Variants in DARS2 observed in about 807,000 individuals in gnomAD.
DARS2 encodes aspartyl-tRNA synthetase 2, mitochondrial.
DARS2 carries 63 observed loss-of-function variants against 83.0 expected under a neutral mutation model. The ratio of observed to expected loss-of-function variants is 0.76; its 90% CI spans 0.62 to 0.94. The LOEUF is 0.94. DARS2 is among the 40% of genes least tolerant of loss of function. The pLI, the probability that DARS2 is intolerant of heterozygous loss-of-function variation, is 0.00. For synonymous variants in DARS2, 250 were observed against 269.3 expected, an observed-to-expected ratio of 0.93 and a Z score of 0.70; for missense variants, 675 against 774.4, an observed-to-expected ratio of 0.87 and a Z score of 1.52.
chr1:173,826,713 AAC>A lies in DARS2; in HGVS notation c.158_159del (p.Thr53MetfsTer45). The A allele has an allele frequency of 6.2e-7, 1 of 1,611,424 alleles. No homozygotes were observed. The highest frequency in any genetic ancestry group is 8.5e-7 in the Non-Finnish European group (1 of 1,179,290). On this transcript the variant is annotated frameshift_variant, in exon 2 of 17. Transcript: ENST00000649689. LOFTEE classifies it high-confidence loss of function. ...PEFSSFVVRT[N>X]TCGELRSSHL... The stretch of plus-strand genomic sequence containing the variant: ...ATTCAGTAGCTTTGTTGTCCGGACC[AAC>A]ACATGTGGAGAGTTGCGTTCGTCTC...
chr1:173,837,126 C>T (rs1034447733), intron 8 of DARS2, 80 bp downstream of exon 8: 2 of 1,276,340 alleles, frequency 1.6e-6, no homozygotes, highest in Non-Finnish European at 2.3e-6. Flanking sequence ...AAAATCCTCT[C>T]TGTTCTCAAG....
chr1:173,853,244 G>A, intron 13 of DARS2, 105 bp from the exon 14 acceptor site: 1 of 1,102,872 alleles, frequency 9.1e-7, no homozygotes, highest in Non-Finnish European at 1.4e-6. Context: ...CTGTTAATTG[G>A]CTAATCCTTT....
In DARS2 at chr1:173,828,393, G is replaced by C. The variant is rs1400301612; in HGVS notation, c.288G>C (p.Gln96His). The C allele has an allele frequency of 1.2e-6, 2 of 1,612,164 alleles. No homozygotes were observed. The highest frequency in any genetic ancestry group is 2.7e-5 in the African/African-American group (2 of 74,566). The change falls in exon 3 of 17, where the codon CAG becomes CAC. Residue 96 changes from glutamine (Q) to histidine (H), a missense_variant. Transcript: ENST00000649689. ...GGCTTGTTCAAGTTATCATTCCCCA[G>C]GATGAGGTAATAGAAAATTTCCTGT... ...FDGLVQVIIP[Q>H]DESAASVKKI...
In DARS2 at chr1:173,857,805, C is replaced by G; in HGVS notation, c.*100C>G. On this transcript the variant is annotated 3_prime_UTR_variant, in exon 17 of 17. Transcript: ENST00000649689. ...AGAGTTCTGCCACAGGTCTAACAAT[C>G]AAGTCTTTAGATGGAAGGAATCCAG... 1 of 1,287,122 alleles carries G rather than the reference C, an allele frequency of 7.8e-7. No homozygotes were observed. The highest frequency in any genetic ancestry group is 1.2e-5 in the South Asian group (1 of 81,248). The allele number at this position is 1,287,122 out of a possible 1,614,324, so 79.7% of individuals were successfully genotyped here. A position where few individuals can be genotyped will look rare whatever the true frequency, so the allele number is the denominator to read the frequency against.
chr1:173,837,923 G>A (rs984904441), intron 8 of DARS2, among the ~76,000 whole-genome samples: 11 of 151,888 alleles, frequency 7.2e-5, no homozygotes, highest in Admixed American at 7.2e-4. Context: ...ACAGGCGCAC[G>A]CCACCCACGC....
At chr1:173,851,006 G>A (rs994457500) in intron 13 of DARS2, among the ~76,000 whole-genome samples, 7 of 152,000 alleles carry the variant, frequency 4.6e-5, no homozygotes, top group Non-Finnish European at 1.0e-4. Context: ...GGGAGGCCGA[G>A]GTGGGTGGAT....
At chr1:173,827,099 A>C (rs1408544757) in intron 2 of DARS2, among the ~76,000 whole-genome samples, 1 of 152,170 alleles carries the variant, frequency 6.6e-6, no homozygotes, top group African/African-American at 2.4e-5. Flanking sequence ...AAGAGTTCCT[A>C]TAACCAGTAA....
intron 12 of DARS2, among the ~76,000 whole-genome samples, chr1:173,847,463 C>T (rs1653479337): frequency 6.6e-6 from 1 of 152,000 alleles, no homozygotes; most frequent in African/African-American, 2.4e-5. Context: ...CTCCTGTTTT[C>T]TTTTTCTTTC....
intron 15 of DARS2, among the ~76,000 whole-genome samples, chr1:173,854,981 C>T (rs964395729): frequency 6.6e-6 from 1 of 151,920 alleles, no homozygotes; most frequent in Non-Finnish European, 1.5e-5. Context: ...CCTAAAAGAT[C>T]GTTTTGTGGG....
intron 6 of DARS2, among the ~76,000 whole-genome samples, chr1:173,834,056 C>G (rs1652890623): frequency 6.6e-6 from 1 of 152,066 alleles, no homozygotes; most frequent in African/African-American, 2.4e-5. Flanking sequence ...ACCACGATAC[C>G]CAGCCAGTTT....
chr1:173,853,530 C>T lies in DARS2; in HGVS notation c.1526C>T (p.Pro509Leu). ...CACCACCCATTTACTGCTCCCCACC[C>T]CAGTGACATACATCTCCTGTACACT... Reference protein sequence around the residue: ...SAHHPFTAPHPSDIHLLYTEP... With the variant: ...SAHHPFTAPHLSDIHLLYTEP... Residue 509 changes from proline (P) to leucine (L), a missense_variant, in exon 14 of 17, where the codon CCC (proline) becomes CTC (leucine). By Grantham distance (98) the Pro-to-Leu change is moderately conservative. Coordinates refer to ENST00000649689, the MANE Select transcript of DARS2 (RefSeq NM_018122.5). 1 of 1,614,062 alleles carries T rather than the reference C, an allele frequency of 6.2e-7. No individual in the cohort carries two copies.
In DARS2 at chr1:173,833,445, C is replaced by T. The variant is rs751929342; in HGVS notation, c.562C>T (p.Arg188Ter). The change falls in exon 6 of 17, where the codon CGA (arginine) becomes TGA (stop). Residue 188 changes from arginine to a stop codon, truncating the protein, a stop_gained. Coordinates refer to ENST00000649689, the MANE Select transcript of DARS2 (RefSeq NM_018122.5). LOFTEE classifies it high-confidence loss of function. ...LRSFQMQYNL[R>*]LRSQMVMKMR... Reference sequence around the variant, plus strand: ...TAGTTTCCAAATGCAGTATAACCTGCGACTGAGGTCCCAGATGGTCATGAA... The same window carrying T: ...TAGTTTCCAAATGCAGTATAACCTGTGACTGAGGTCCCAGATGGTCATGAA... 6.2e-6 allele frequency: 10 copies of T among 1,613,908 alleles called. No homozygotes were observed. The highest frequency in any genetic ancestry group is 2.2e-5 in the East Asian group (1 of 44,882).
intron 12 of DARS2, among the ~76,000 whole-genome samples, chr1:173,848,921 C>T (rs969218950): frequency 2.0e-5 from 3 of 152,024 alleles, no homozygotes; most frequent in Non-Finnish European, 4.4e-5. Flanking sequence ...CCAATTTAAC[C>T]TCTTTTCTTT....
At chr1:173,848,248 C>G (rs1258205373) in intron 12 of DARS2, among the ~76,000 whole-genome samples, 1 of 152,108 alleles carries the variant, frequency 6.6e-6, no homozygotes, top group Non-Finnish European at 1.5e-5. Context: ...AAGTAACTTC[C>G]TAAGAAAGCA....
rs1026298197 is a variant in DARS2, at chr1:173,826,901, G to A, written c.227+115G>A. 5.8e-5 allele frequency: 46 copies of A among 786,686 alleles called. 1 individual carries two copies. The highest frequency in any genetic ancestry group is 2.3e-4 in the Middle Eastern group (1 of 4,408). 48.7% of individuals were successfully genotyped at this position (786,686 alleles called of 1,614,324 possible). On this transcript the variant is annotated intron_variant, in intron 2 of 16. Transcript: ENST00000649689. Reference sequence around the variant, plus strand: ...ATAAAACGTTTTGCAACTCCTGCAGGATTAAGAACTTACTGAATTTTCAAC... The same window carrying A: ...ATAAAACGTTTTGCAACTCCTGCAGAATTAAGAACTTACTGAATTTTCAAC...
Position 173,826,803 on chromosome 1 carries a change from A to G in DARS2, c.227+17A>G, listed in dbSNP as rs1225826215. On this transcript the variant is annotated intron_variant, in intron 2 of 16. Transcript: ENST00000649689. ...GTACCGAAGGTAAATTGAGAAAGACAGTCTAAGAATGCATGGTGGTGGTTT... is the reference window on the plus strand; with the variant it reads ...GTACCGAAGGTAAATTGAGAAAGACGGTCTAAGAATGCATGGTGGTGGTTT... 6.4e-7 allele frequency: 1 copy of G among 1,571,924 alleles called. No homozygotes were observed. The highest frequency in any genetic ancestry group is 2.2e-5 in the East Asian group (1 of 44,664).
At chr1:173,841,241 G>T (rs1228188304) in intron 11 of DARS2, among the ~76,000 whole-genome samples, 2 of 152,048 alleles carry the variant, frequency 1.3e-5, no homozygotes, top group African/African-American at 4.8e-5. Context: ...GTCAGGCGTG[G>T]TGGCATGTGC....
intron 12 of DARS2, among the ~76,000 whole-genome samples, chr1:173,849,349 C>G (rs1653559235): frequency 6.6e-6 from 1 of 151,806 alleles, no homozygotes; most frequent in Admixed American, 6.6e-5. Context: ...GCCTGGCCAA[C>G]ATAGTGAAAC....
chr1:173,843,919 A>G (rs1653324479), intron 11 of DARS2, among the ~76,000 whole-genome samples: 1 of 152,232 alleles, frequency 6.6e-6, no homozygotes, highest in African/African-American at 2.4e-5. Context: ...AGCCAGTCAC[A>G]GCATGTGCTA....
Sources: gnomAD v4.1 joint callset for allele counts (sites outside exome capture counted in the v4.1 genomes callset) on GRCh38, gnomAD v4.1.1 for gene constraint, MANE v1.5 for transcripts, NCBI Gene and HGNC (gene_info 2026-07-23, HGNC 2026-07-21) for gene names.